HSPG2: variants seen among roughly 807,000 people sequenced by gnomAD.
The protein encoded by HSPG2 is basement membrane-specific heparan sulfate proteoglycan core protein.
Under a neutral mutation model 526.6 loss-of-function variants are expected in HSPG2, and 278 were observed. The ratio of observed to expected loss-of-function variants is 0.53; its 90% CI spans 0.48 to 0.58. The LOEUF (loss-of-function observed/expected upper bound fraction) is 0.58. HSPG2 is among the 20% of genes least tolerant of loss of function. The pLI is 0.00. For missense variants in HSPG2, 5,354 were observed against 6,099.5 expected, an observed-to-expected ratio of 0.88 and a Z score of 4.07; for synonymous variants, 2,465 against 2,555.4, an observed-to-expected ratio of 0.96 and a Z score of 1.07.
Position 21,865,005 on chromosome 1 carries a change from C to T in HSPG2, c.4464G>A (p.Leu1488=), listed in dbSNP as rs376849075. The T allele has an allele frequency of 8.2e-6, 13 of 1,579,522 alleles. No individual in the cohort carries two copies. The highest frequency in any genetic ancestry group is 1.0e-5 in the Non-Finnish European group (12 of 1,165,170). The change falls in exon 36 of 97, where the codon CTG becomes CTA. Residue 1488 remains leucine (L), a synonymous_variant. Coordinates refer to ENST00000374695, the MANE Select transcript of HSPG2 (RefSeq NM_005529.7). This position sits in a 1 kb window ranked among gnomAD's most constrained non-coding sequence, Gnocchi z 5.4. ...REHLLMALAD[L]DELLIRATFS... ...ACGTGGCCCGGATCAGGAGCTCATC[C>T]AGGTCGGCCAGTGCCATCAGGAGGT...
rs776819687 is a variant in HSPG2, at chr1:21,880,457, T to C, written c.2101A>G (p.Lys701Glu). The C allele has an allele frequency of 6.2e-7, 1 of 1,614,000 alleles. No individual in the cohort carries two copies. Among genetic ancestry groups the C allele is most frequent in the Middle Eastern group, 1.6e-4 (1 of 6,062 alleles). The change falls in exon 16 of 97, where the codon AAG becomes GAG. Residue 701 changes from lysine (K) to glutamate (E), a missense_variant. By Grantham distance (56) the Lys-to-Glu change is moderately conservative. Coordinates refer to ENST00000374695, the MANE Select transcript of HSPG2 (RefSeq NM_005529.7). ...AVLIQTVYNT[K>E]MASVGLSDIA... is the part of the protein sequence containing the mutation. ...TCGCTAAGTCCCACGCTGGCCATCT[T>C]GGTGTTGTACACGGTCTGGATGAGC...
In HSPG2 at chr1:21,828,511, G is replaced by T; in HGVS notation, c.12238-85C>A. The T allele has an allele frequency of 7.0e-7, 1 of 1,434,948 alleles. No homozygotes were observed. The highest frequency in any genetic ancestry group is 9.7e-7 in the Non-Finnish European group (1 of 1,035,848). 88.9% of individuals were successfully genotyped at this position (1,434,948 alleles called of 1,614,324 possible). On this transcript the variant is annotated intron_variant, in intron 88 of 96. Transcript: ENST00000374695. The surrounding 1 kb of genome is among the most constrained non-coding windows in gnomAD (Gnocchi z 6.0). ...CCAGCAGGGAGAAGAATGCAGCAGAGGGGAGCTGGGAGCCCACATTGGGCC... is the reference window on the plus strand; with the variant it reads ...CCAGCAGGGAGAAGAATGCAGCAGATGGGAGCTGGGAGCCCACATTGGGCC...
At chr1:21,905,805 G>A (rs567377402) in intron 1 of HSPG2, among the ~76,000 whole-genome samples, 12 of 152,246 alleles carry the variant, frequency 7.9e-5, no homozygotes, top group African/African-American at 1.4e-4. Context: ...GAGGCCAGGC[G>A]TTCAAGACCA....
At chr1:21,846,085 C>A in intron 64 of HSPG2, 23 bp downstream of exon 64, 1 of 1,611,538 alleles carries the variant, frequency 6.2e-7, no homozygotes, top group Non-Finnish European at 8.5e-7. Context: ...CCGGCCTTCC[C>A]GTCCCACTGC....
chr1:21,887,510 C>T lies in HSPG2; in HGVS notation c.868G>A (p.Ala290Thr). The change falls in exon 8 of 97, where the codon GCC becomes ACC. Residue 290 changes from alanine to threonine, a missense_variant. Physicochemically the swap from Ala to Thr is moderately conservative, Grantham distance 58. Transcript: ENST00000374695. The surrounding 1 kb of genome is among the most constrained non-coding windows in gnomAD (Gnocchi z 5.0). Reference sequence around the variant, plus strand: ...ATGCAGTGCCCATTGCGGCATGCGGCCTCCTGGGGCCCACAGGGCAGGGGC... The same window carrying T: ...ATGCAGTGCCCATTGCGGCATGCGGTCTCCTGGGGCCCACAGGGCAGGGGC... ...VRPLPCGPQE[A>T]ACRNGHCIPR... 6.2e-7 allele frequency: 1 copy of T among 1,614,018 alleles called. No homozygotes were observed. Among genetic ancestry groups the T allele is most frequent in the Non-Finnish European group, 8.5e-7 (1 of 1,179,986 alleles).
chr1:21,879,975 G>A, intron 17 of HSPG2, 132 bp downstream of exon 17: 1 of 1,086,228 alleles, frequency 9.2e-7, no homozygotes, highest in Non-Finnish European at 1.4e-6. Flanking sequence ...ATTGCATCCA[G>A]AGGTCATGAT....
In HSPG2 at chr1:21,839,911, A is replaced by G; in HGVS notation, c.9620T>C (p.Met3207Thr). Residue 3207 changes from methionine (M) to threonine (T), a missense_variant, in exon 72 of 97, where the codon ATG (methionine) becomes ACG (threonine). Physicochemically the swap from Met to Thr is moderately conservative, Grantham distance 81. Transcript: ENST00000374695. The surrounding 1 kb of genome is among the most constrained non-coding windows in gnomAD (Gnocchi z 4.5). ...QVEVIVDTGA[M>T]APGAPQVQAE... is the part of the protein sequence containing the mutation. ...TTGGACCTGAGGGGCCCCTGGGGCC[A>G]TGGCGCCCGTGTCCACGATCACCTC... 1 of 1,614,152 alleles carries G rather than the reference A, an allele frequency of 6.2e-7. No homozygotes were observed. Among genetic ancestry groups the G allele is most frequent in the Non-Finnish European group, 8.5e-7 (1 of 1,180,030 alleles).
chr1:21,823,967 AAGCCCG>A lies in HSPG2; in HGVS notation c.12899+148_12899+153del. ...CCCAGCGGAGTTCAGTCCGAGATGGAAGCCCGAGCCCTGGCTGGTGGGTTCTCCCCT... is the reference window on the plus strand; with the variant it reads ...CCCAGCGGAGTTCAGTCCGAGATGGAAGCCCTGGCTGGTGGGTTCTCCCCT... On this transcript the variant is annotated intron_variant, in intron 95 of 96. Coordinates refer to ENST00000374695, the MANE Select transcript of HSPG2 (RefSeq NM_005529.7). 1.4e-5 allele frequency: 12 copies of A among 848,008 alleles called. No homozygotes were observed. In the South Asian group the frequency reaches 1.5e-4, roughly 11 times the overall value. The allele number at this position is 848,008 out of a possible 1,614,324, so 52.5% of individuals were successfully genotyped here. A position where few individuals can be genotyped will look rare whatever the true frequency, so the allele number is the denominator to read the frequency against.
At chr1:21,924,478 A>C (rs1644130893) in intron 1 of HSPG2, among the ~76,000 whole-genome samples, 3 of 152,146 alleles carry the variant, frequency 2.0e-5, no homozygotes, top group South Asian at 2.1e-4. Context: ...AGAGAATGGA[A>C]CACCACCAAC....
intron 1 of HSPG2, among the ~76,000 whole-genome samples, chr1:21,903,969 T>A (rs1643235989): frequency 6.6e-6 from 1 of 152,206 alleles, no homozygotes; most frequent in Admixed American, 6.5e-5. Flanking sequence ...AGCTTCCTCA[T>A]CCTTAAAAAA....
intron 1 of HSPG2, among the ~76,000 whole-genome samples, chr1:21,926,702 C>T (rs925151544): frequency 6.8e-5 from 9 of 132,110 alleles, no homozygotes; most frequent in Non-Finnish European, 1.2e-4. Context: ...GCAGAGGTTG[C>T]AGTGAGCCGA....
At position 21,828,134 on chromosome 1, in the gene HSPG2, T is replaced by C; in HGVS notation, c.12428A>G (p.Glu4143Gly). 2 of 1,590,172 alleles carry C rather than the reference T, an allele frequency of 1.3e-6. No homozygotes were observed. Among genetic ancestry groups the C allele is most frequent in the Non-Finnish European group, 1.7e-6 (2 of 1,167,728 alleles). Residue 4143 changes from glutamate to glycine, a missense_variant, in exon 90 of 97, where the codon GAG becomes GGG. By Grantham distance (98) the Glu-to-Gly change is moderately conservative. Coordinates refer to ENST00000374695, the MANE Select transcript of HSPG2 (RefSeq NM_005529.7). This position sits in a 1 kb window ranked among gnomAD's most constrained non-coding sequence, Gnocchi z 6.0. ...TTCACGGAGCTGGCAGGGGTTCTCC[T>C]CGTGCTCACACAGGTCTCCTGTGGG... ...DGFKGDLCEH[E>G]ENPCQLREPC...
chr1:21,929,262 G>A (rs535700332), intron 1 of HSPG2, among the ~76,000 whole-genome samples: 61 of 152,212 alleles, frequency 4.0e-4, no homozygotes, highest in African/African-American at 1.3e-3. Context: ...GATCCCCTCC[G>A]CCTACACCAT....
Position 21,841,165 on chromosome 1 carries a change from C to T in HSPG2, c.9449G>A (p.Ser3150Asn). The T allele has an allele frequency of 6.2e-7, 1 of 1,613,764 alleles. No homozygotes were observed. The highest frequency in any genetic ancestry group is 8.5e-7 in the Non-Finnish European group (1 of 1,180,018). The change falls in exon 71 of 97, where the codon AGC (serine) becomes AAC (asparagine). Residue 3150 changes from serine (S) to asparagine (N), a missense_variant. By Grantham distance (46) the Ser-to-Asn change is conservative (BLOSUM62 1). Transcript: ENST00000374695. ...PRSSARWTRI[S>N]STPAKLEQRT... ...CTGCTCCAACTTGGCAGGGGTGCTG[C>T]TGATCCGGGTCCAACGAGCAGAGGA...
intron 1 of HSPG2, chr1:21,908,331 A>T: frequency 9.7e-7 from 1 of 1,033,460 alleles, no homozygotes; most frequent in Non-Finnish European, 1.5e-6. Flanking sequence ...TTGTAAACAA[A>T]CAAGTTAAGG....
In HSPG2 at chr1:21,842,103, C is replaced by T; in HGVS notation, c.9092G>A (p.Ser3031Asn). The change falls in exon 69 of 97, where the codon AGC (serine) becomes AAC (asparagine). Residue 3031 changes from serine (S) to asparagine (N), a missense_variant. Physicochemically the swap from Ser to Asn is conservative, Grantham distance 46 (BLOSUM62 1). Transcript: ENST00000374695. Reference protein sequence around the residue: ...SPVISIDPPSSTVQQGQDASF... With the variant: ...SPVISIDPPSNTVQQGQDASF... Reference sequence around the variant, plus strand: ...GGCATCCTGGCCCTGCTGCACGGTGCTGCTGGGCGGGTCGATGGAGATGAC... The same window carrying T: ...GGCATCCTGGCCCTGCTGCACGGTGTTGCTGGGCGGGTCGATGGAGATGAC... The T allele has an allele frequency of 6.2e-7, 1 of 1,613,688 alleles. No homozygotes were observed. The highest frequency in any genetic ancestry group is 8.5e-7 in the Non-Finnish European group (1 of 1,180,010).
chr1:21,829,602 C>T lies in HSPG2; in HGVS notation c.11773G>A (p.Val3925Met). 5.0e-6 allele frequency: 8 copies of T among 1,602,612 alleles called. No individual in the cohort carries two copies. Among genetic ancestry groups the T allele is most frequent in the African/African-American group, 1.3e-5 (1 of 74,874 alleles). Residue 3925 changes from valine (V) to methionine (M), a missense_variant and splice_region_variant, in exon 87 of 97, where the codon GTG (valine) becomes ATG (methionine). Val to Met is a conservative substitution (Grantham distance 21). Coordinates refer to ENST00000374695, the MANE Select transcript of HSPG2 (RefSeq NM_005529.7). ...GACAGCGAGGGGGTGGTCACTGTCA[C>T]ACCTGCAGCAGCCACAGCTCAGCTG... ...GRSGLRCEEGVTVTTPSLSGA... is the reference protein window; with the variant it reads ...GRSGLRCEEGMTVTTPSLSGA...
At chr1:21,854,103 C>T in intron 50 of HSPG2, 90 bp downstream of exon 50, 2 of 1,397,132 alleles carry the variant, frequency 1.4e-6, no homozygotes, top group Non-Finnish European at 1.9e-6. Context: ...TGGAATGCCC[C>T]CCTGTCCTGG....
rs749156874 is a variant in HSPG2, at chr1:21,842,917, T to C, written c.8763A>G (p.Pro2921=). 1.9e-6 allele frequency: 3 copies of C among 1,613,938 alleles called. No homozygotes were observed. Among genetic ancestry groups the C allele is most frequent in the Non-Finnish European group, 1.7e-6 (2 of 1,180,012 alleles). Residue 2921 remains proline (P), a synonymous_variant, in exon 67 of 97, where the codon CCA becomes CCG. Coordinates refer to ENST00000374695, the MANE Select transcript of HSPG2 (RefSeq NM_005529.7). The part of the protein sequence containing the change: ...EPSSPGPIPA[P]GLAQPIYIEA... ...CGATGTAGATGGGCTGGGCCAGTCCTGGAGCTGTGGGCACAGGGGGTGGGT... is the reference window on the plus strand; with the variant it reads ...CGATGTAGATGGGCTGGGCCAGTCCCGGAGCTGTGGGCACAGGGGGTGGGT...
Sources: gnomAD v4.1 joint callset for allele counts (sites outside exome capture counted in the v4.1 genomes callset) on GRCh38, gnomAD v4.1.1 for gene constraint, Gnocchi (gnomAD v3.1) non-coding constraint, MANE v1.5 for transcripts, NCBI Gene and HGNC (gene_info 2026-07-23, HGNC 2026-07-21) for gene names.